OLAH: variants seen among roughly 807,000 people sequenced by gnomAD.
The protein encoded by OLAH is oleoyl-ACP hydrolase, also known as S-acyl fatty acid synthase thioesterase, medium chain.
Under a neutral mutation model 27.8 loss-of-function variants are expected in OLAH, and 33 were observed. The ratio of observed to expected loss-of-function variants is 1.19; its 90% CI spans 0.90 to 1.59. The LOEUF is 1.59. Ranked by LOEUF, OLAH falls within the 40% of genes most tolerant of loss-of-function variation. The pLI is 0.00. For synonymous variants in OLAH, 120 were observed against 102.9 expected (o/e 1.17, Z -1.01); for missense variants, 359 against 310.8 (o/e 1.16, Z -1.17).
chr10:15,057,070 T>C, intron 3 of OLAH: 2 of 1,276,324 alleles, frequency 1.6e-6, no homozygotes, highest in Non-Finnish European at 2.0e-6. Flanking sequence ...GCTTTAAATT[T>C]TAATATAATC....
At chr10:15,047,002 C>G (rs1036336726) in intron 1 of OLAH, 124 bp from the exon 2 acceptor site, 3 of 318,262 alleles carry the variant, frequency 9.4e-6, no homozygotes, top group African/African-American at 6.4e-5. Flanking sequence ...GACTCCTTAT[C>G]TGAATAACAT....
rs774363996 is a variant in OLAH, at chr10:15,061,843, T to G, written c.283T>G (p.Phe95Val). The stretch of plus-strand genomic sequence containing the variant: ...GCAGCCAGTCATCCAGGATAAACCA[T>G]TTGCATTTTTTGGCCACAGGTATTT... ...ALQPVIQDKP[F>V]AFFGHSMGSY... is the part of the protein sequence containing the mutation. Residue 95 changes from phenylalanine to valine, a missense_variant, in exon 4 of 8, where the codon TTT becomes GTT. Transcript: ENST00000378228. 2.5e-6 allele frequency: 4 copies of G among 1,613,288 alleles called. No individual in the cohort carries two copies. Among genetic ancestry groups the G allele is most frequent in the Admixed American group, 1.7e-5 (1 of 59,806 alleles).
chr10:15,067,732 C>G (rs147555456), intron 6 of OLAH, among the ~76,000 whole-genome samples: 48 of 152,298 alleles, frequency 3.2e-4, no homozygotes, highest in African/African-American at 1.2e-3. Context: ...TCAATCTGAT[C>G]TCTCCCACGT....
At chr10:15,034,215 G>A (rs1843805950) in intron 1 of OLAH, among the ~76,000 whole-genome samples, 1 of 150,800 alleles carries the variant, frequency 6.6e-6, no homozygotes. Flanking sequence ...CCAGGTTCAA[G>A]CAATTCTCCT....
At chr10:15,061,984 T>A in intron 4 of OLAH, 122 bp downstream of exon 4, 1 of 853,430 alleles carries the variant, frequency 1.2e-6, no homozygotes, top group Non-Finnish European at 1.7e-6. Context: ...GCATGTTAGG[T>A]AATTATGGCC....
Position 15,047,212 on chromosome 10 carries a change from G to C in OLAH, c.-77G>C, listed in dbSNP as rs967688171. 1 of 1,479,922 alleles carries C rather than the reference G, an allele frequency of 6.8e-7. No individual in the cohort carries two copies. The highest frequency in any genetic ancestry group is 9.3e-7 in the Non-Finnish European group (1 of 1,075,488). 91.7% of individuals were successfully genotyped at this position (1,479,922 alleles called of 1,614,324 possible). ...GCATAAGGCCGAGCAGAGGTTCTTCGTCTCAAGAGGAACTGACTTCTGTTG... is the reference window on the plus strand; with the variant it reads ...GCATAAGGCCGAGCAGAGGTTCTTCCTCTCAAGAGGAACTGACTTCTGTTG... On this transcript the variant is annotated 5_prime_UTR_variant, in exon 2 of 8. Coordinates refer to ENST00000378228, the MANE Select transcript of OLAH (RefSeq NM_001039702.3).
intron 3 of OLAH, among the ~76,000 whole-genome samples, chr10:15,058,650 AT>A (rs1303623242): frequency 6.6e-6 from 1 of 152,174 alleles, no homozygotes; most frequent in Non-Finnish European, 1.5e-5. Flanking sequence ...ATAAAAAATA[AT>A]CTTTTATATA....
chr10:15,060,163 CTTAA>C (rs960934939), intron 3 of OLAH, among the ~76,000 whole-genome samples: 17 of 151,988 alleles, frequency 1.1e-4, no homozygotes, highest in Non-Finnish European at 2.5e-4. Context: ...TCTTTCTACA[CTTAA>C]TTTTCTTTTT....
rs749568990 is a variant in OLAH, at chr10:15,073,259, A to C, written c.*30A>C. 4 of 1,409,332 alleles carry C rather than the reference A, an allele frequency of 2.8e-6. No individual in the cohort carries two copies. In the East Asian group the frequency reaches 9.1e-5, roughly 32 times the overall value. 87.3% of individuals were successfully genotyped at this position (1,409,332 alleles called of 1,614,324 possible). A position where few individuals can be genotyped will look rare whatever the true frequency, so the allele number is the denominator to read the frequency against. On this transcript the variant is annotated 3_prime_UTR_variant, in exon 8 of 8. Transcript: ENST00000378228. The stretch of plus-strand genomic sequence containing the variant: ...TTTCCCTTTCACTTTTAAAATAATC[A>C]AAGTAATATCATACTCTTCTCAGTT...
intron 7 of OLAH, 51 bp from the exon 8 acceptor site, chr10:15,073,036 T>C (rs545431140): frequency 6.4e-7 from 1 of 1,563,552 alleles, no homozygotes; most frequent in East Asian, 2.2e-5. Context: ...TTGATGTGAA[T>C]CTTTAGTTGC....
At chr10:15,042,849 C>CTTTTT (rs67828197), upstream of OLAH, among the ~76,000 whole-genome samples, 346 of 60,624 alleles carry the variant, frequency 5.7e-3, 84 homozygotes, top group African/African-American at 0.015. Context: ...ACCCACGTGT[C>CTTTTT]TTTTTTTTTT....
At chr10:15,051,464 A>C (rs1844141235) in intron 3 of OLAH, among the ~76,000 whole-genome samples, 1 of 152,232 alleles carries the variant, frequency 6.6e-6, no homozygotes, top group Non-Finnish European at 1.5e-5. Context: ...CAAGCCTTGC[A>C]GGTGAGTGTT....
intron 6 of OLAH, among the ~76,000 whole-genome samples, chr10:15,066,168 G>A (rs1844462840): frequency 6.6e-6 from 1 of 151,570 alleles, no homozygotes; most frequent in East Asian, 1.9e-4. Context: ...TTGAAGTCAG[G>A]AGGCGGAGGT....
At chr10:15,037,901 CAA>C (rs1165500172) in intron 1 of OLAH, among the ~76,000 whole-genome samples, 5 of 152,230 alleles carry the variant, frequency 3.3e-5, no homozygotes, top group Non-Finnish European at 4.4e-5. Flanking sequence ...ACTGCCAACA[CAA>C]AGAGCCACAG....
At chr10:15,061,665 A>G (rs1325207061) in intron 3 of OLAH, 59 bp from the exon 4 acceptor site, 2 of 1,429,004 alleles carry the variant, frequency 1.4e-6, no homozygotes, top group East Asian at 2.4e-5. Context: ...GCCCTTTTAT[A>G]ACATCACAAT....
Position 15,073,288 on chromosome 10 carries a change from C to T in OLAH, c.*59C>T. 8.9e-7 allele frequency: 1 copy of T among 1,119,878 alleles called. No homozygotes were observed. Among genetic ancestry groups the T allele is most frequent in the Non-Finnish European group, 1.3e-6 (1 of 768,448 alleles). The allele number at this position is 1,119,878 out of a possible 1,614,324, so 69.4% of individuals were successfully genotyped here. On this transcript the variant is annotated 3_prime_UTR_variant, in exon 8 of 8. Coordinates refer to ENST00000378228, the MANE Select transcript of OLAH (RefSeq NM_001039702.3). Reference sequence around the variant, plus strand: ...TAATATCATACTCTTCTCAGTTATTCAGATATAGCTCAGTTTTATTCAGAT... The same window carrying T: ...TAATATCATACTCTTCTCAGTTATTTAGATATAGCTCAGTTTTATTCAGAT...
chr10:15,064,735 G>A (rs1247341542), intron 5 of OLAH, among the ~76,000 whole-genome samples: 1 of 152,160 alleles, frequency 6.6e-6, no homozygotes, highest in Non-Finnish European at 1.5e-5. Context: ...TTGTCTCACT[G>A]CAACCTCTGC....
intron 3 of OLAH, among the ~76,000 whole-genome samples, chr10:15,058,587 A>G (rs1299897218): frequency 1.3e-5 from 2 of 151,974 alleles, no homozygotes; most frequent in Non-Finnish European, 2.9e-5. Context: ...TTTTAAAGTG[A>G]AAAAAAATGT....
intron 1 of OLAH, among the ~76,000 whole-genome samples, chr10:15,046,669 T>C (rs75959840): frequency 0.16 from 24,825 of 152,012 alleles, 2,201 homozygotes; most frequent in South Asian, 0.29. Context: ...GGTTTCACCG[T>C]GTTGGCCAGG....
Sources: allele counts gnomAD v4.1 joint callset (sites outside exome capture counted in the v4.1 genomes callset), GRCh38; gene constraint gnomAD v4.1.1; transcripts MANE v1.5; gene names NCBI Gene and HGNC (gene_info 2026-07-23, HGNC 2026-07-21).